LMO7: variants seen among roughly 807,000 people sequenced by gnomAD.
The protein encoded by LMO7 is LIM domain 7.
In LMO7, 120 loss-of-function variants were observed where a neutral mutation model predicts 206.5. The observed-to-expected ratio is 0.58, with a 90% CI of 0.50 to 0.68. The LOEUF is 0.68. Among genes scored for constraint, LMO7 ranks in the 30% least tolerant of loss-of-function variants. The pLI is 0.00. For synonymous variants in LMO7, 706 were observed against 681.5 expected, an observed-to-expected ratio of 1.04 and a Z score of -0.56; for missense variants, 1,959 against 1,957.9, an observed-to-expected ratio of 1.00 and a Z score of -0.01.
In LMO7 at chr13:75,621,346, C is replaced by G. The variant is rs570006453; in HGVS notation, c.-348C>G. On this transcript the variant is annotated 5_prime_UTR_variant, in exon 1 of 30. Transcript: ENST00000341547. ...TTAACTTTTAAAAATCCCAAAATAG[C>G]TGAAGTTAGCAGACATGCAATTTAC... is the stretch of plus-strand genomic sequence containing the variant. 1.4e-4 allele frequency: 21 copies of G among 154,910 alleles called. 1 individual carries two copies. In the South Asian group the frequency reaches 4.1e-3, roughly 30 times the overall value. 9.6% of individuals were successfully genotyped at this position (154,910 alleles called of 1,614,324 possible). A position where few individuals can be genotyped will look rare whatever the true frequency, so the allele number is the denominator to read the frequency against.
intron 7 of LMO7, among the ~76,000 whole-genome samples, chr13:75,801,927 A>G (rs685964): frequency 0.02 from 3,030 of 151,612 alleles, 109 homozygotes; most frequent in African/African-American, 0.069. Context: ...ATGTTTTACT[A>G]TGCATGCTTT....
In LMO7 at chr13:75,757,790, CTGTGTGTGTGTGTGTGTG is replaced by C. The variant is rs57536883; in HGVS notation, c.211-3108_211-3091del. On this transcript the variant is annotated intron_variant, in intron 3 of 30. Transcript: ENST00000377534. ...TAGATACATTTAGGGCTCATTGTTTCTGTGTGTGTGTGTGTGTGTGTGTGTGTGTGTGTGTGTGTGTGT... is the reference window on the plus strand; with the variant it reads ...TAGATACATTTAGGGCTCATTGTTTCTGTGTGTGTGTGTGTGTGTGTGTGT... 1.2e-3 allele frequency among the ~76,000 whole-genome samples: 178 copies of C among 143,550 alleles called. 1 individual carries two copies. Among genetic ancestry groups the C allele is most frequent in the East Asian group, 8.7e-3 (44 of 5,060 alleles). 94.2% of individuals were successfully genotyped at this position (143,550 alleles called of 152,430 possible). A position where few individuals can be genotyped will look rare whatever the true frequency, so the allele number is the denominator to read the frequency against.
chr13:75,671,114 C>T (rs879907509), intron 1 of LMO7, among the ~76,000 whole-genome samples: 62 of 151,978 alleles, frequency 4.1e-4, no homozygotes, highest in African/African-American at 1.5e-3. Context: ...CCCTCAGGGG[C>T]AATAGCACAC....
At chr13:75,657,796 A>C (rs926702745) in intron 1 of LMO7, among the ~76,000 whole-genome samples, 1 of 152,182 alleles carries the variant, frequency 6.6e-6, no homozygotes, top group African/African-American at 2.4e-5. Flanking sequence ...AGATGTTCCA[A>C]ATATCTTCTC....
At chr13:75,671,116 A>G (rs894987119) in intron 1 of LMO7, among the ~76,000 whole-genome samples, 6 of 152,110 alleles carry the variant, frequency 3.9e-5, no homozygotes, top group African/African-American at 1.2e-4. Flanking sequence ...CTCAGGGGCA[A>G]TAGCACACAT....
chr13:75,810,643 A>G (rs1361206146), intron 11 of LMO7, among the ~76,000 whole-genome samples: 1 of 152,260 alleles, frequency 6.6e-6, no homozygotes, highest in Non-Finnish European at 1.5e-5. Flanking sequence ...GTTGAATTGT[A>G]ACTTTCAGAA....
At chr13:75,826,579 C>T (rs765558937) in intron 15 of LMO7, among the ~76,000 whole-genome samples, 11 of 152,172 alleles carry the variant, frequency 7.2e-5, no homozygotes, top group Admixed American at 3.9e-4. Flanking sequence ...CCCTTTGTAG[C>T]GCAGTCACAG....
At chr13:75,723,223 T>C (rs1015941209) in intron 2 of LMO7, among the ~76,000 whole-genome samples, 1 of 152,206 alleles carries the variant, frequency 6.6e-6, no homozygotes, top group African/African-American at 2.4e-5. Context: ...TCATTGCTCT[T>C]TAATTTGTGA....
intron 14 of LMO7, among the ~76,000 whole-genome samples, chr13:75,822,564 G>T (rs2057684170): frequency 6.6e-6 from 1 of 151,586 alleles, no homozygotes; most frequent in Admixed American, 6.6e-5. Context: ...AGGGAGAGGG[G>T]ATTCAAATGT....
chr13:75,710,309 A>C (rs1285809066), intron 1 of LMO7, among the ~76,000 whole-genome samples: 2 of 152,158 alleles, frequency 1.3e-5, no homozygotes, highest in African/African-American at 4.8e-5. Flanking sequence ...TATGAACTTT[A>C]AAGTAGTTTT....
At chr13:75,677,414 G>A (rs1594218348) in intron 1 of LMO7, among the ~76,000 whole-genome samples, 1 of 152,164 alleles carries the variant, frequency 6.6e-6, no homozygotes, top group Non-Finnish European at 1.5e-5. Flanking sequence ...TTCTTCAACA[G>A]ATATTTGAGT....
intron 3 of LMO7, among the ~76,000 whole-genome samples, chr13:75,743,446 A>G (rs1244075591): frequency 2.0e-5 from 3 of 152,240 alleles, no homozygotes; most frequent in African/African-American, 7.2e-5. Flanking sequence ...CATGGAATCA[A>G]CCTAAATGAC....
In LMO7 at chr13:75,858,589, C is replaced by A. The variant is rs191187770; in HGVS notation, c.*646C>A. 5 of 152,642 alleles carry A rather than the reference C, an allele frequency of 3.3e-5. No homozygotes were observed. The South Asian group carries it at 6.2e-4, about 19-fold the overall frequency. 9.5% of individuals were successfully genotyped at this position (152,642 alleles called of 1,614,324 possible). On this transcript the variant is annotated 3_prime_UTR_variant, in exon 31 of 31. Coordinates refer to ENST00000377534, the MANE Select transcript of LMO7 (RefSeq NM_001306080.2). ...GCTTATTTTCATTAATGAAAAATAA[C>A]CATGGTTTGTATACTAGAAGTCTTC... is the stretch of plus-strand genomic sequence containing the variant.
intron 1 of LMO7, among the ~76,000 whole-genome samples, chr13:75,659,047 A>T (rs1381467032): frequency 6.6e-6 from 1 of 151,528 alleles, no homozygotes; most frequent in South Asian, 2.1e-4. Context: ...CTTTCCTTCC[A>T]CTCATTATTT....
intron 1 of LMO7, among the ~76,000 whole-genome samples, chr13:75,680,273 C>T (rs1594237591): frequency 6.6e-6 from 1 of 152,136 alleles, no homozygotes; most frequent in East Asian, 1.9e-4. Flanking sequence ...GTATATGTAC[C>T]ACATTTTCTT....
intron 4 of LMO7, among the ~76,000 whole-genome samples, chr13:75,793,367 C>G (rs1263212487): frequency 1.3e-5 from 2 of 152,176 alleles, no homozygotes; most frequent in African/African-American, 4.8e-5. Flanking sequence ...CCTCCGCCTC[C>G]CGGGTTCAAG....
Position 75,636,704 on chromosome 13 carries a change from C to G in LMO7, c.47C>G (p.Ala16Gly), listed in dbSNP as rs1400204269. Reference sequence around the variant, plus strand: ...GAGGCCAACTGCTCCGTGGCGTTCGCTGAGGCTCAGAGATGGGTGGAGGTG... The same window carrying G: ...GAGGCCAACTGCTCCGTGGCGTTCGGTGAGGCTCAGAGATGGGTGGAGGTG... ...EAEANCSVAF[A>G]EAQRWVEAVT... The change falls in exon 1 of 31, where the codon GCT (alanine) becomes GGT (glycine). Residue 16 changes from alanine to glycine, a missense_variant. Transcript: ENST00000377534. The G allele has an allele frequency of 1.2e-6, 2 of 1,609,722 alleles. No individual in the cohort carries two copies. The highest frequency in any genetic ancestry group is 1.1e-5 in the South Asian group (1 of 89,964).
At chr13:75,767,574 CA>C (rs35515814) in intron 4 of LMO7, among the ~76,000 whole-genome samples, 2 of 150,858 alleles carry the variant, frequency 1.3e-5, no homozygotes, top group East Asian at 3.9e-4. Context: ...CTGCCCTCCT[CA>C]AAAAAAAAGT....
chr13:75,711,125 A>G (rs887403501), intron 1 of LMO7, among the ~76,000 whole-genome samples: 6 of 152,252 alleles, frequency 3.9e-5, no homozygotes, highest in Non-Finnish European at 7.3e-5. Context: ...ATGTTGAACC[A>G]GCCTTGCATC....
Sources: allele counts gnomAD v4.1 joint callset (sites outside exome capture counted in the v4.1 genomes callset), GRCh38; gene constraint gnomAD v4.1.1; transcripts MANE v1.5; gene names NCBI Gene and HGNC (gene_info 2026-07-23, HGNC 2026-07-21).